The following ZKSCAN2 variants were observed in gnomAD, a reference collection of about 807,000 sequenced individuals.
ZKSCAN2 encodes the protein zinc finger with KRAB and SCAN domains 2, also known as zinc finger protein with KRAB and SCAN domains 2.
ZKSCAN2 carries 38 observed loss-of-function variants against 90.5 expected under a neutral mutation model. That is an observed-to-expected ratio of 0.42 (90% CI 0.32 to 0.55). The LOEUF (loss-of-function observed/expected upper bound fraction) is 0.55, where lower values mean the gene tolerates loss of function less well. Ranked by LOEUF, ZKSCAN2 falls within the 20% of genes least tolerant of loss-of-function variation. The pLI, the probability that ZKSCAN2 is intolerant of heterozygous loss-of-function variation, is 0.11. For missense variants in ZKSCAN2, 1,167 were observed against 1,202.6 expected, an observed-to-expected ratio of 0.97 and a Z score of 0.44; for synonymous variants, 429 against 421.6, an observed-to-expected ratio of 1.02 and a Z score of -0.22.
rs1215127298 is a variant in ZKSCAN2 at position 25,257,637 on chromosome 16, C to T, written c.-510G>A. On this transcript the variant is annotated 5_prime_UTR_variant, in exon 1 of 7. Transcript: ENST00000328086. ...CCGCCGCGGGTGCCGCTGGGGCCGC[C>T]GGATTCCGAGAGCGGCGCCGGGCTC... 3 of 417,310 alleles carry T rather than the reference C, an allele frequency of 7.2e-6. No homozygotes were observed. Among genetic ancestry groups the T allele is most frequent in the Non-Finnish European group, 6.4e-6 (2 of 311,180 alleles). The allele number at this position is 417,310 out of a possible 1,614,324, so 25.9% of individuals were successfully genotyped here.
At chr16:25,251,779 G>A in intron 4 of ZKSCAN2, 130 bp downstream of exon 4, 4 of 1,045,052 alleles carry the variant, frequency 3.8e-6, no homozygotes, top group Non-Finnish European at 5.5e-6. Context: ...ACCTGGCTAA[G>A]TGATTACACT....
At position 25,237,283 on chromosome 16, in the gene ZKSCAN2, T is replaced by G. The variant is rs12930369; in HGVS notation, c.*2533A>C. ...GGAGACAGGTAGTGTTGGTCTAAAA[T>G]GGGGGGGAGACCTTCCATTTCTTCA... On this transcript the variant is annotated 3_prime_UTR_variant, in exon 7 of 7. Transcript: ENST00000328086. 0.13 allele frequency: 19,355 copies of G among 152,114 alleles called. 1,360 individuals are homozygous for G. The highest frequency in any genetic ancestry group is 0.16 in the Non-Finnish European group (10,665 of 67,950). 9.4% of individuals were successfully genotyped at this position (152,114 alleles called of 1,614,324 possible).
At chr16:25,256,329 C>G (rs1288425017) in intron 1 of ZKSCAN2, among the ~76,000 whole-genome samples, 1 of 142,414 alleles carries the variant, frequency 7.0e-6, no homozygotes, top group Non-Finnish European at 1.5e-5. Flanking sequence ...TCTGGGATAA[C>G]GGATGAAGTC....
In ZKSCAN2 at chr16:25,239,931, A is replaced by T. The variant is rs776836279; in HGVS notation, c.2789T>A (p.Leu930His). The T allele has an allele frequency of 6.2e-7, 1 of 1,614,206 alleles. No individual in the cohort carries two copies. Among genetic ancestry groups the T allele is most frequent in the Non-Finnish European group, 8.5e-7 (1 of 1,180,022 alleles). The change falls in exon 7 of 7, where the codon CTT becomes CAT. Residue 930 changes from leucine (L) to histidine (H), a missense_variant. Coordinates refer to ENST00000328086, the MANE Select transcript of ZKSCAN2 (RefSeq NM_001012981.5). ...CACATGAACTTCCCGATGTTTGGTA[A>T]GAACAGAACTCTTACTGAAACGTTT... ...CGKRFSKSSV[L>H]TKHREVHVRE...
intron 5 of ZKSCAN2, among the ~76,000 whole-genome samples, chr16:25,245,294 G>A (rs1363901175): frequency 1.3e-5 from 2 of 152,016 alleles, no homozygotes. Flanking sequence ...TTGTAAAGAC[G>A]GAGTCTCGCT....
At position 25,247,000 on chromosome 16, in the gene ZKSCAN2, C is replaced by T; in HGVS notation, c.1196G>A (p.Ser399Asn). 1 of 1,614,164 alleles carries T rather than the reference C, an allele frequency of 6.2e-7. No homozygotes were observed. Among genetic ancestry groups the T allele is most frequent in the Non-Finnish European group, 8.5e-7 (1 of 1,180,026 alleles). Residue 399 changes from serine to asparagine, a missense_variant, in exon 5 of 7, where the codon AGT becomes AAT. Physicochemically the swap from Ser to Asn is conservative, Grantham distance 46. Transcript: ENST00000328086. ...CACCTTTCGATAGCTTTTCTGGAGA[C>T]TTTTGAACTTGGTTCGACACTGTTC... Reference protein sequence around the residue: ...TPEQCRTKFKSLQKSYRKVRN... With the variant: ...TPEQCRTKFKNLQKSYRKVRN...
At position 25,251,896 on chromosome 16, in the gene ZKSCAN2, A is replaced by G. The variant is rs770306791; in HGVS notation, c.805+13T>C. On this transcript the variant is annotated intron_variant, in intron 4 of 6. Coordinates refer to ENST00000328086, the MANE Select transcript of ZKSCAN2 (RefSeq NM_001012981.5). The stretch of plus-strand genomic sequence containing the variant: ...CTCCAAGTCTTATATTTGGAAAGGG[A>G]AGGAATCCTTACCCAGGGAGACCAC... 3 of 1,613,362 alleles carry G rather than the reference A, an allele frequency of 1.9e-6. No individual in the cohort carries two copies. In the African/African-American group the frequency reaches 4.0e-5, roughly 22 times the overall value.
Position 25,239,971 on chromosome 16 carries a change from A to G in ZKSCAN2, c.2749T>C (p.Cys917Arg), listed in dbSNP as rs1733208451. Residue 917 changes from cysteine (C) to arginine (R), a missense_variant, in exon 7 of 7, where the codon TGT becomes CGT. Transcript: ENST00000328086. ...RIHTGEKPYG[C>R]AQCGKRFSKS... ...CTGAAACGTTTGCCACACTGGGCAC[A>G]TCCATAGGGCTTCTCTCCAGTGTGT... The G allele has an allele frequency of 6.2e-7, 1 of 1,614,082 alleles. No individual in the cohort carries two copies. Among genetic ancestry groups the G allele is most frequent in the Non-Finnish European group, 8.5e-7 (1 of 1,180,050 alleles).
Position 25,257,528 on chromosome 16 carries a change from G to A in ZKSCAN2, c.-401C>T. The A allele has an allele frequency of 4.0e-6, 4 of 990,182 alleles. No homozygotes were observed. In the African/African-American group the frequency reaches 7.0e-5, roughly 17 times the overall value. 61.3% of individuals were successfully genotyped at this position (990,182 alleles called of 1,614,324 possible). On this transcript the variant is annotated 5_prime_UTR_variant, in exon 1 of 7. Coordinates refer to ENST00000328086, the MANE Select transcript of ZKSCAN2 (RefSeq NM_001012981.5). ...CTACTCCCGGGTCGGGCGCGGAGAG[G>A]CGAGTCCCCGAGTGGGTGGGGCCGG...
intron 4 of ZKSCAN2, among the ~76,000 whole-genome samples, chr16:25,251,000 T>C (rs1963012126): frequency 6.6e-6 from 1 of 152,128 alleles, no homozygotes; most frequent in Non-Finnish European, 1.5e-5. Context: ...AGGTGATCTG[T>C]CTGCTTTGAC....
chr16:25,252,740 CCT>C (rs1001204031), intron 3 of ZKSCAN2, among the ~76,000 whole-genome samples: 50 of 152,036 alleles, frequency 3.3e-4, no homozygotes, highest in African/African-American at 1.1e-3. Context: ...ATGGTGAAAC[CCT>C]GTCTCTACTA....
chr16:25,251,868 A>C, intron 4 of ZKSCAN2, 41 bp downstream of exon 4: 1 of 1,605,536 alleles, frequency 6.2e-7, no homozygotes, highest in Non-Finnish European at 8.5e-7. Context: ...ATACATTAGA[A>C]AGCTCCAAGT....
chr16:25,244,020 C>T lies in ZKSCAN2; in HGVS notation c.1746G>A (p.Leu582=). The change falls in exon 6 of 7, where the codon CTG becomes CTA. Residue 582 remains leucine (L), a synonymous_variant. Coordinates refer to ENST00000328086, the MANE Select transcript of ZKSCAN2 (RefSeq NM_001012981.5). ...AAGGAGCAGATGCCCGAGAGTTAATCAGGGCATCCATCTCCTTGTAGAACG... is the reference window on the plus strand; with the variant it reads ...AAGGAGCAGATGCCCGAGAGTTAATTAGGGCATCCATCTCCTTGTAGAACG... ...SCAFYKEMDA[L]INSRASAPSP... 1.2e-6 allele frequency: 2 copies of T among 1,614,172 alleles called. No individual in the cohort carries two copies. Among genetic ancestry groups the T allele is most frequent in the Non-Finnish European group, 1.7e-6 (2 of 1,180,030 alleles).
At position 25,240,577 on chromosome 16, in the gene ZKSCAN2, C is replaced by T. The variant is rs915276851; in HGVS notation, c.2143G>A (p.Glu715Lys). The change falls in exon 7 of 7, where the codon GAA becomes AAA. Residue 715 changes from glutamate to lysine, a missense_variant. Physicochemically the swap from Glu to Lys is moderately conservative, Grantham distance 56. Transcript: ENST00000328086. The stretch of plus-strand genomic sequence containing the variant: ...CCCTGTCTAATTCCTTGAAGATTTT[C>T]CCATTGTCTTCCTGAGATGCATTCC... ...KRECISGRQW[E>K]NLQGIRQGKP... The T allele has an allele frequency of 6.8e-6, 11 of 1,614,188 alleles. No homozygotes were observed. Among genetic ancestry groups the T allele is most frequent in the Non-Finnish European group, 8.5e-6 (10 of 1,180,034 alleles).
chr16:25,255,185 G>A, intron 2 of ZKSCAN2, 21 bp downstream of exon 2: 1 of 1,588,350 alleles, frequency 6.3e-7, no homozygotes, highest in Non-Finnish European at 8.5e-7. Context: ...CACTAGGCGT[G>A]CTCCGAGTCT....
chr16:25,238,894 T>A lies in ZKSCAN2; in HGVS notation c.*922A>T, dbSNP rs1962806244. On this transcript the variant is annotated 3_prime_UTR_variant, in exon 7 of 7. Transcript: ENST00000328086. ...ACGAAATATGCCAACATGCCAGTCA[T>A]GTTCTAGATAAGAGCCAGAGAAGTT... The A allele has an allele frequency of 6.6e-6, 1 of 152,270 alleles. No individual in the cohort carries two copies. The highest frequency in any genetic ancestry group is 1.5e-5 in the Non-Finnish European group (1 of 68,064). The allele number at this position is 152,270 out of a possible 1,614,324, so 9.4% of individuals were successfully genotyped here. A position where few individuals can be genotyped will look rare whatever the true frequency, so the allele number is the denominator to read the frequency against.
At position 25,257,055 on chromosome 16, in the gene ZKSCAN2, T is replaced by C. The variant is rs981629559; in HGVS notation, c.73A>G (p.Lys25Glu). The change falls in exon 1 of 7, where the codon AAG (lysine) becomes GAG (glutamate). Residue 25 changes from lysine (K) to glutamate (E), a missense_variant. Transcript: ENST00000328086. ...GGCTCTGATGCCCACTCAGGGTCCT[T>C]TTCCACCTTCATTATTAGGCATCCC... Reference protein sequence around the residue: ...VEGCLIMKVEKDPEWASEPIL... With the variant: ...VEGCLIMKVEEDPEWASEPIL... 5.6e-6 allele frequency: 9 copies of C among 1,613,980 alleles called. No individual in the cohort carries two copies. Among genetic ancestry groups the C allele is most frequent in the Non-Finnish European group, 6.8e-6 (8 of 1,180,004 alleles).
At chr16:25,241,636 A>G (rs1458800384) in intron 6 of ZKSCAN2, among the ~76,000 whole-genome samples, 1 of 152,158 alleles carries the variant, frequency 6.6e-6, no homozygotes, top group Non-Finnish European at 1.5e-5. Flanking sequence ...ACATCACGTT[A>G]TTTCATCCAT....
chr16:25,247,159 T>A lies in ZKSCAN2; in HGVS notation c.1037A>T (p.Glu346Val). The change falls in exon 5 of 7, where the codon GAG becomes GTG. Residue 346 changes from glutamate (E) to valine (V), a missense_variant. Glu to Val is a moderately radical substitution (Grantham distance 121). Transcript: ENST00000328086. ...AATTGCCAGGAAAGTCTTTGTTTCCTCATAGCTCCAATGCACACCTGCTAT... is the reference window on the plus strand; with the variant it reads ...AATTGCCAGGAAAGTCTTTGTTTCCACATAGCTCCAATGCACACCTGCTAT... Reference protein sequence around the residue: ...EKIAGVHWSYEETKTFLAILK... With the variant: ...EKIAGVHWSYVETKTFLAILK... 6.2e-7 allele frequency: 1 copy of A among 1,614,204 alleles called. No individual in the cohort carries two copies. The highest frequency in any genetic ancestry group is 8.5e-7 in the Non-Finnish European group (1 of 1,180,026).
Sources: allele counts gnomAD v4.1 joint callset (sites outside exome capture counted in the v4.1 genomes callset), GRCh38; gene constraint gnomAD v4.1.1; transcripts MANE v1.5; gene names NCBI Gene and HGNC (gene_info 2026-07-23, HGNC 2026-07-21).